The following KHDRBS1 variants were observed in gnomAD, a reference collection of about 807,000 sequenced individuals.
The protein encoded by KHDRBS1 is KH domain-containing, RNA-binding, signal transduction-associated protein 1.
KHDRBS1 carries 7 observed loss-of-function variants against 48.4 expected under a neutral mutation model. That is an observed-to-expected ratio of 0.14 (90% confidence interval 0.08 to 0.27). The LOEUF (loss-of-function observed/expected upper bound fraction) is 0.27, where lower values mean the gene tolerates loss of function less well. Ranked by LOEUF, KHDRBS1 falls within the 10% of genes least tolerant of loss-of-function variation. The pLI is 1.00. For synonymous variants in KHDRBS1, 241 were observed against 235.8 expected (o/e 1.02, Z -0.20); for missense variants, 458 against 601.2 (o/e 0.76, Z 2.49).
intron 3 of KHDRBS1, among the ~76,000 whole-genome samples, chr1:32,032,253 C>T (rs977701487): frequency 6.6e-6 from 1 of 152,204 alleles, no homozygotes; most frequent in African/African-American, 2.4e-5. Flanking sequence ...CTTCTGGGGT[C>T]ACCTTATTTG....
At chr1:32,018,538 G>A (rs1638789708) in intron 1 of KHDRBS1, among the ~76,000 whole-genome samples, 1 of 148,318 alleles carries the variant, frequency 6.7e-6, no homozygotes. Context: ...GGTGGATCAC[G>A]AGGTCAGGAG....
intron 1 of KHDRBS1, 38 bp downstream of exon 1, chr1:32,014,415 C>T: frequency 7.7e-7 from 1 of 1,293,172 alleles, no homozygotes; most frequent in Non-Finnish European, 9.9e-7. Context: ...GTCGCCCGGC[C>T]ATCCCGGGCA....
In KHDRBS1 at chr1:32,037,020, A is replaced by G; in HGVS notation, c.882A>G (p.Ala294=). Residue 294 remains alanine (A), a synonymous_variant, in exon 5 of 9, where the codon GCA becomes GCG. Coordinates refer to ENST00000327300, the MANE Select transcript of KHDRBS1 (RefSeq NM_006559.3). ...RGVPVRGRGA[A]PPPPPVPRGR... is the part of the protein sequence containing the mutation. The stretch of plus-strand genomic sequence containing the variant: ...TGCCAGTGAGAGGCCGGGGAGCTGC[A>G]CCTCCTCCACCACCTGTTCCCAGGT... 6.2e-7 allele frequency: 1 copy of G among 1,613,920 alleles called. No individual in the cohort carries two copies. The highest frequency in any genetic ancestry group is 1.1e-5 in the South Asian group (1 of 91,066).
At chr1:32,032,349 G>A (rs1304291619) in intron 3 of KHDRBS1, among the ~76,000 whole-genome samples, 1 of 152,114 alleles carries the variant, frequency 6.6e-6, no homozygotes, top group African/African-American at 2.4e-5. Flanking sequence ...GTTTTCTCAG[G>A]TCATTTCTTG....
chr1:32,017,588 GTTCTTTTTCTAC>G (rs1219570337), intron 1 of KHDRBS1, among the ~76,000 whole-genome samples: 1 of 123,380 alleles, frequency 8.1e-6, no homozygotes. Context: ...AGATACCAGT[GTTCTTTTTCTAC>G]TTTTTTTTTT....
intron 4 of KHDRBS1, among the ~76,000 whole-genome samples, chr1:32,034,052 A>C (rs1039770609): frequency 1.3e-5 from 2 of 152,358 alleles, no homozygotes; most frequent in Middle Eastern, 3.4e-3. Flanking sequence ...TGGTTGTCAG[A>C]GTTAACATAC....
intron 2 of KHDRBS1, 99 bp from the exon 3 acceptor site, chr1:32,031,425 C>CT: frequency 1.4e-6 from 1 of 715,894 alleles, no homozygotes; most frequent in South Asian, 1.8e-5. Context: ...TGGTAATACT[C>CT]TACCTTTGCA....
intron 1 of KHDRBS1, among the ~76,000 whole-genome samples, chr1:32,026,346 A>AG (rs1445840527): frequency 6.6e-6 from 1 of 151,676 alleles, no homozygotes; most frequent in African/African-American, 2.4e-5. Context: ...TTTATAGAGA[A>AG]GGGGTCTCAC....
At chr1:32,030,626 T>A (rs1446557383) in intron 2 of KHDRBS1, among the ~76,000 whole-genome samples, 1 of 152,300 alleles carries the variant, frequency 6.6e-6, no homozygotes, top group Middle Eastern at 3.4e-3. Context: ...GAAGGAAATA[T>A]AATCATCTTT....
intron 6 of KHDRBS1, 64 bp downstream of exon 6, chr1:32,038,100 A>G: frequency 1.9e-6 from 3 of 1,596,960 alleles, no homozygotes; most frequent in Non-Finnish European, 2.6e-6. Context: ...AAGTTGAATG[A>G]CAGGGCCTCG....
intron 10 of KHDRBS1, among the ~76,000 whole-genome samples, chr1:32,053,470 A>C (rs754486825): frequency 3.5e-4 from 53 of 152,090 alleles, no homozygotes; most frequent in Non-Finnish European, 6.2e-4. Context: ...AGCTCGCTGC[A>C]GCCTTGAACT....
chr1:32,047,922 TC>T (rs1172919464), downstream of KHDRBS1, among the ~76,000 whole-genome samples: 1 of 152,198 alleles, frequency 6.6e-6, no homozygotes, highest in Admixed American at 6.5e-5. Flanking sequence ...TTCTGAACAT[TC>T]CATATAAATG....
At chr1:32,030,062 G>C (rs961629421) in intron 1 of KHDRBS1, among the ~76,000 whole-genome samples, 1 of 152,024 alleles carries the variant, frequency 6.6e-6, no homozygotes, top group African/African-American at 2.4e-5. Context: ...AAATGTCTCT[G>C]TTGTCATGGC....
At chr1:32,054,749 T>C (rs1458060945) in intron 10 of KHDRBS1, among the ~76,000 whole-genome samples, 1 of 152,210 alleles carries the variant, frequency 6.6e-6, no homozygotes, top group Non-Finnish European at 1.5e-5. Flanking sequence ...TTCATAAACT[T>C]TCTTAAAACA....
chr1:32,048,711 A>G (rs564767996), downstream of KHDRBS1, among the ~76,000 whole-genome samples: 240 of 152,314 alleles, frequency 1.6e-3, 1 homozygote, highest in South Asian at 3.9e-3. Flanking sequence ...TTATTGAGAT[A>G]TAATTCACAT....
At chr1:32,045,774 G>A (rs904348684), downstream of KHDRBS1, among the ~76,000 whole-genome samples, 5 of 152,222 alleles carry the variant, frequency 3.3e-5, no homozygotes, top group Admixed American at 2.0e-4. Context: ...AACTGTAGTG[G>A]CTGCAGGGAA....
At chr1:32,019,321 G>A (rs1281402752) in intron 1 of KHDRBS1, among the ~76,000 whole-genome samples, 6 of 151,874 alleles carry the variant, frequency 4.0e-5, no homozygotes, top group Admixed American at 2.0e-4. Flanking sequence ...AGGCAGAGGC[G>A]GGTGGATTAA....
At chr1:32,037,460 A>G (rs892874619) in intron 5 of KHDRBS1, among the ~76,000 whole-genome samples, 1 of 151,938 alleles carries the variant, frequency 6.6e-6, no homozygotes, top group Non-Finnish European at 1.5e-5. Context: ...AAAAAAAAAT[A>G]GAGTTCTAGA....
At chr1:32,015,550 C>G (rs529294857) in intron 1 of KHDRBS1, among the ~76,000 whole-genome samples, 1 of 152,260 alleles carries the variant, frequency 6.6e-6, no homozygotes, top group South Asian at 2.1e-4. Context: ...TTTATGCTTT[C>G]TTAAGATAAC....
Sources: allele counts gnomAD v4.1 joint callset (sites outside exome capture counted in the v4.1 genomes callset), GRCh38; gene constraint gnomAD v4.1.1; transcripts MANE v1.5; gene names NCBI Gene and HGNC (gene_info 2026-07-23, HGNC 2026-07-21).